Variants in FSTL4 observed in about 807,000 individuals in gnomAD.
FSTL4 encodes follistatin like 4, also known as follistatin-related protein 4.
FSTL4 carries 28 observed loss-of-function variants against 78.2 expected under a neutral mutation model. The observed-to-expected ratio is 0.36, with a 90% CI of 0.27 to 0.49. The LOEUF (loss-of-function observed/expected upper bound fraction) is 0.49. Ranked by LOEUF, FSTL4 falls within the 20% of genes least tolerant of loss-of-function variation. The probability of loss-of-function intolerance (pLI) is 0.98; values close to 1 mark genes in which losing one functional copy is unlikely to be tolerated. For synonymous variants in FSTL4, 422 were observed against 440.5 expected, an observed-to-expected ratio of 0.96 and a Z score of 0.53; for missense variants, 922 against 1,084.9, an observed-to-expected ratio of 0.85 and a Z score of 2.11.
At chr5:133,268,598 A>C (rs886991298) in intron 6 of FSTL4, among the ~76,000 whole-genome samples, 1 of 151,994 alleles carries the variant, frequency 6.6e-6, no homozygotes, top group Non-Finnish European at 1.5e-5. Flanking sequence ...CCAAGTGCAA[A>C]CCTCACCTGC....
chr5:133,731,592 A>G, the FSTL4 span, among the ~76,000 whole-genome samples: 1 of 152,172 alleles, frequency 6.6e-6, no homozygotes, highest in African/African-American at 2.4e-5. Flanking sequence ...AAGACTAGGT[A>G]TTTAGAGCTT....
At chr5:133,807,010 C>T in the FSTL4 span, among the ~76,000 whole-genome samples, 2,892 of 152,152 alleles carry the variant, frequency 0.019, 95 homozygotes, top group African/African-American at 0.065. Flanking sequence ...CTGTCAATCA[C>T]GCCCACATGC....
the FSTL4 span, among the ~76,000 whole-genome samples, chr5:133,764,640 CT>C: frequency 6.6e-6 from 1 of 152,194 alleles, no homozygotes; most frequent in African/African-American, 2.4e-5. Context: ...AGGTGGACTC[CT>C]GGGGGTCTGA....
chr5:133,809,471 C>T, the FSTL4 span, among the ~76,000 whole-genome samples: 1 of 151,422 alleles, frequency 6.6e-6, no homozygotes, highest in African/African-American at 2.4e-5. Context: ...CCAAAGCTCT[C>T]AGTCTGGTGT....
At chr5:133,279,809 G>A (rs190932073) in intron 6 of FSTL4, among the ~76,000 whole-genome samples, 38 of 152,322 alleles carry the variant, frequency 2.5e-4, no homozygotes, top group African/African-American at 8.9e-4. Context: ...TAGGATCTTT[G>A]CACATATAAT....
At chr5:133,328,018 T>C (rs977015016) in intron 4 of FSTL4, among the ~76,000 whole-genome samples, 1 of 152,212 alleles carries the variant, frequency 6.6e-6, no homozygotes, top group Non-Finnish European at 1.5e-5. Flanking sequence ...ATATTTGTCA[T>C]CTCAGCTAAT....
chr5:133,633,104 A>C, the FSTL4 span, among the ~76,000 whole-genome samples: 1 of 152,084 alleles, frequency 6.6e-6, no homozygotes, highest in African/African-American at 2.4e-5. Context: ...AATTTTCAGA[A>C]ATTTTAGAAA....
intron 6 of FSTL4, among the ~76,000 whole-genome samples, chr5:133,295,758 T>C (rs1231957361): frequency 6.6e-6 from 1 of 152,200 alleles, no homozygotes; most frequent in Non-Finnish European, 1.5e-5. Flanking sequence ...TCTTGGCTCC[T>C]AGGACATTGC....
the FSTL4 span, among the ~76,000 whole-genome samples, chr5:133,824,417 C>G: frequency 1.8e-4 from 27 of 152,346 alleles, no homozygotes; most frequent in East Asian, 5.2e-3. Flanking sequence ...TGCCCCCATC[C>G]TGAGGCTATT....
chr5:133,308,451 A>G (rs992229411), intron 6 of FSTL4, among the ~76,000 whole-genome samples: 2 of 152,114 alleles, frequency 1.3e-5, no homozygotes, highest in African/African-American at 4.8e-5. Flanking sequence ...GTCTGAACTC[A>G]CCCTACCTAG....
At chr5:133,401,506 C>T (rs1756223451) in intron 3 of FSTL4, among the ~76,000 whole-genome samples, 1 of 152,182 alleles carries the variant, frequency 6.6e-6, no homozygotes, top group African/African-American at 2.4e-5. Flanking sequence ...TCCTTCCTTC[C>T]TTCTTTTCCT....
chr5:133,539,000 C>T (rs1453786633), intron 3 of FSTL4, among the ~76,000 whole-genome samples: 1 of 152,108 alleles, frequency 6.6e-6, no homozygotes, highest in Non-Finnish European at 1.5e-5. Context: ...AGATGGTAAC[C>T]TCAGGGCACT....
At chr5:133,423,878 G>T (rs1756750618) in intron 3 of FSTL4, among the ~76,000 whole-genome samples, 1 of 152,148 alleles carries the variant, frequency 6.6e-6, no homozygotes, top group South Asian at 2.1e-4. Flanking sequence ...GCACAAGACT[G>T]GGTGTGCACG....
At chr5:133,538,049 T>C (rs1000232706) in intron 3 of FSTL4, among the ~76,000 whole-genome samples, 2 of 152,154 alleles carry the variant, frequency 1.3e-5, no homozygotes, top group Non-Finnish European at 2.9e-5. Flanking sequence ...AGCATTGTTA[T>C]GATGCTTTTA....
chr5:133,275,989 G>C (rs892997759), intron 6 of FSTL4: 1 of 152,224 alleles, frequency 6.6e-6, no homozygotes, highest in African/African-American at 2.4e-5. Flanking sequence ...TGGTTTTGCA[G>C]TTTGCTTTTA....
intron 2 of FSTL4, among the ~76,000 whole-genome samples, chr5:133,581,544 C>T (rs1316858457): frequency 6.6e-6 from 1 of 152,244 alleles, no homozygotes; most frequent in Admixed American, 6.5e-5. Context: ...CAGGAGGGGC[C>T]TTGTGCCTGG....
the FSTL4 span, among the ~76,000 whole-genome samples, chr5:133,629,035 T>C: frequency 6.8e-6 from 1 of 146,414 alleles, no homozygotes; most frequent in East Asian, 2.0e-4. Context: ...AGAGAGGGCA[T>C]CCTTGTCTTC....
intron 3 of FSTL4, among the ~76,000 whole-genome samples, chr5:133,504,325 T>A (rs1275985561): frequency 6.6e-6 from 1 of 152,144 alleles, no homozygotes; most frequent in East Asian, 1.9e-4. Flanking sequence ...TAAGTCACCA[T>A]ATCTGATCAA....
the FSTL4 span, among the ~76,000 whole-genome samples, chr5:133,839,785 T>C: frequency 6.6e-6 from 1 of 152,220 alleles, no homozygotes; most frequent in African/African-American, 2.4e-5. Context: ...CATGTACCAT[T>C]TTCCAAATTA....
Sources: allele counts gnomAD v4.1 joint callset (sites outside exome capture counted in the v4.1 genomes callset), GRCh38; gene constraint gnomAD v4.1.1; transcripts MANE v1.5; gene names NCBI Gene and HGNC (gene_info 2026-07-23, HGNC 2026-07-21).